RPN1: variants seen among roughly 807,000 people sequenced by gnomAD.
The protein encoded by RPN1 is ribophorin I.
A neutral mutation model predicts 55.5 loss-of-function variants in RPN1; 12 were observed. The observed-to-expected ratio is 0.22, with a 90% CI of 0.14 to 0.35. RPN1 has a LOEUF of 0.35. RPN1 is among the 10% of genes least tolerant of loss of function. RPN1 has a pLI of 1.00. For missense variants in RPN1, 679 were observed against 761.3 expected, an observed-to-expected ratio of 0.89 and a Z score of 1.27; for synonymous variants, 317 against 305.9, an observed-to-expected ratio of 1.04 and a Z score of -0.38.
In RPN1 at chr3:128,632,176, A is replaced by G; in HGVS notation, c.634-19T>C. The G allele has an allele frequency of 6.2e-7, 1 of 1,613,162 alleles. No individual in the cohort carries two copies. Among genetic ancestry groups the G allele is most frequent in the Non-Finnish European group, 8.5e-7 (1 of 1,179,148 alleles). On this transcript the variant is annotated intron_variant, in intron 3 of 9. Transcript: ENST00000296255. Reference sequence around the variant, plus strand: ...AAGTATCCTGGAAGGAAGGAAACAAATAGTTCAAAGTTTTGGCAACAGAGA... The same window carrying G: ...AAGTATCCTGGAAGGAAGGAAACAAGTAGTTCAAAGTTTTGGCAACAGAGA...
At position 128,637,846 on chromosome 3, in the gene RPN1, C is replaced by T; in HGVS notation, c.586G>A (p.Asp196Asn). The part of the protein sequence containing the change: ...TKLGNPTRSE[D>N]LLDYGPFRDV... ...CTGAAAGGCCCATAATCCAGTAGGT[C>T]CTCAGAGCGCGTGGGGTTCCCCAGC... Residue 196 changes from aspartate (D) to asparagine (N), a missense_variant, in exon 3 of 10, where the codon GAC becomes AAC. Physicochemically the swap from Asp to Asn is conservative, Grantham distance 23. This residue lies in a region of RPN1 where 352 missense variants were observed against 352.8 expected (regional missense o/e 1.00). Transcript: ENST00000296255. 6.2e-7 allele frequency: 1 copy of T among 1,613,818 alleles called. No individual in the cohort carries two copies. Among genetic ancestry groups the T allele is most frequent in the Non-Finnish European group, 8.5e-7 (1 of 1,180,044 alleles).
intron 2 of RPN1, among the ~76,000 whole-genome samples, chr3:128,640,050 T>C (rs951579329): frequency 1.3e-5 from 2 of 152,102 alleles, no homozygotes; most frequent in African/African-American, 4.8e-5. Flanking sequence ...CAGGCGCCTG[T>C]AGTCCCAGAT....
intron 1 of RPN1, among the ~76,000 whole-genome samples, 172 bp from the exon 2 acceptor site, chr3:128,645,155 T>C (rs988821870): frequency 7.2e-5 from 11 of 152,136 alleles, no homozygotes; most frequent in African/African-American, 2.4e-4. Flanking sequence ...AACACAAGAA[T>C]ATTGTCAAAG....
chr3:128,643,260 G>A (rs2069741200), intron 2 of RPN1, among the ~76,000 whole-genome samples: 1 of 151,256 alleles, frequency 6.6e-6, no homozygotes, highest in Non-Finnish European at 1.5e-5. Flanking sequence ...CTAGGAGGCT[G>A]AGGTTGCAGT....
chr3:128,624,697 A>G (rs2069586497), intron 8 of RPN1, among the ~76,000 whole-genome samples: 1 of 150,548 alleles, frequency 6.6e-6, no homozygotes, highest in Non-Finnish European at 1.5e-5. Flanking sequence ...CACTAGAAGC[A>G]CACCCTTGGT....
chr3:128,647,034 G>A (rs1400095555), intron 1 of RPN1, among the ~76,000 whole-genome samples: 3 of 151,804 alleles, frequency 2.0e-5, no homozygotes, highest in African/African-American at 7.3e-5. Flanking sequence ...AATGACCACT[G>A]TTTGGGGTAC....
rs573559453 is a variant in RPN1, at chr3:128,635,516, G to T, written c.633+2283C>A. Among the ~76,000 whole-genome samples the T allele has an allele frequency of 4.6e-5, 7 of 151,370 alleles. No homozygotes were observed. In the East Asian group the frequency reaches 1.4e-3, roughly 29 times the overall value. ...GGGTTTCACCACGTTGGCCAGGCTG[G>T]TCTTGAACTCCTAGCTTCAAGTGAT... On this transcript the variant is annotated intron_variant, in intron 3 of 9. Transcript: ENST00000296255.
intron 1 of RPN1, among the ~76,000 whole-genome samples, chr3:128,647,446 C>T (rs1346732645): frequency 1.3e-5 from 2 of 152,026 alleles, no homozygotes; most frequent in East Asian, 1.9e-4. Context: ...CCTGTAATCC[C>T]AACACTTTGG....
rs780282902 is a variant in RPN1 at position 128,625,867 on chromosome 3, C to T, written c.1275+7G>A. The T allele has an allele frequency of 1.9e-6, 3 of 1,605,788 alleles. No individual in the cohort carries two copies. Among genetic ancestry groups the T allele is most frequent in the Non-Finnish European group, 2.6e-6 (3 of 1,176,314 alleles). ...CGCCATGGAAGGCAAACAGTGGAGC[C>T]ACTCACCACAATGTCCTGAATGTGC... On this transcript the variant is annotated splice_region_variant and intron_variant, in intron 7 of 9. Coordinates refer to ENST00000296255, the MANE Select transcript of RPN1 (RefSeq NM_002950.4).
At position 128,631,859 on chromosome 3, in the gene RPN1, T is replaced by G. The variant is rs541612365; in HGVS notation, c.843+89A>C. 1.1e-5 allele frequency: 15 copies of G among 1,420,124 alleles called. No individual in the cohort carries two copies. The South Asian group carries it at 1.7e-4, about 16-fold the overall frequency. The allele number at this position is 1,420,124 out of a possible 1,614,324, so 88.0% of individuals were successfully genotyped here. ...CATCAGTCAACCCTAAACAACTGCC[T>G]AAATATTTAGCTAGTTTCGAAAAGC... On this transcript the variant is annotated intron_variant, in intron 4 of 9. Coordinates refer to ENST00000296255, the MANE Select transcript of RPN1 (RefSeq NM_002950.4).
intron 2 of RPN1, among the ~76,000 whole-genome samples, chr3:128,638,838 C>T (rs2069703022): frequency 6.6e-6 from 1 of 152,038 alleles, no homozygotes; most frequent in Non-Finnish European, 1.5e-5. Flanking sequence ...TGGTGGTGCA[C>T]ACCTGTAGTC....
At chr3:128,627,132 A>G (rs2069605059) in intron 5 of RPN1, 1 of 367,368 alleles carries the variant, frequency 2.7e-6, no homozygotes, top group Middle Eastern at 8.4e-4. Context: ...CAGAACCCCA[A>G]AACACACAAC....
chr3:128,644,191 G>A (rs1009703679), intron 2 of RPN1, among the ~76,000 whole-genome samples: 1 of 152,160 alleles, frequency 6.6e-6, no homozygotes, highest in Non-Finnish European at 1.5e-5. Context: ...ATAAAGCTCT[G>A]TGGAACCAGG....
In RPN1 at chr3:128,622,213, G is replaced by A; in HGVS notation, c.1592C>T (p.Ala531Val). 5.6e-6 allele frequency: 9 copies of A among 1,614,080 alleles called. No homozygotes were observed. Among genetic ancestry groups the A allele is most frequent in the Non-Finnish European group, 7.6e-6 (9 of 1,179,902 alleles). The change falls in exon 9 of 10, where the codon GCA becomes GTA. Residue 531 changes from alanine (A) to valine (V), a missense_variant. This residue lies in a region of RPN1 where 306 missense variants were observed against 360.0 expected (regional missense o/e 0.85). Transcript: ENST00000296255. ...TEHKALTSEIALLQSRLKTEG... is the reference protein window; with the variant it reads ...TEHKALTSEIVLLQSRLKTEG... ...TGTCTTCAGCCTGGACTGCAGCAGT[G>A]CAATCTCACTGGTCAAGGCCTTGTG...
At chr3:128,633,580 T>C (rs74400306) in intron 3 of RPN1, among the ~76,000 whole-genome samples, 1,702 of 152,274 alleles carry the variant, frequency 0.011, 26 homozygotes, top group African/African-American at 0.039. Context: ...ATCCTGAGAA[T>C]ACAAAAATTC....
intron 1 of RPN1, among the ~76,000 whole-genome samples, chr3:128,647,693 GAAAAAAA>G (rs1280379043): frequency 7.4e-5 from 5 of 68,026 alleles, no homozygotes; most frequent in Admixed American, 1.5e-4. Flanking sequence ...CTTGCCTCAA[GAAAAAAA>G]AAAAAAAAAG....
In RPN1 at chr3:128,620,435, G is replaced by C. The variant is rs142951968; in HGVS notation, c.1800C>G (p.Ile600Met). Residue 600 changes from isoleucine to methionine, a missense_variant, in exon 10 of 10, where the codon ATC (isoleucine) becomes ATG (methionine). This residue lies in a region of RPN1 where 306 missense variants were observed against 360.0 expected (regional missense o/e 0.85). Coordinates refer to ENST00000296255, the MANE Select transcript of RPN1 (RefSeq NM_002950.4). ...GCTACAGGGCATCCAGGATGTGGTC[G>C]ATCTTGGTGACCAGCTCCTGGCGCT... ...SGKRQELVTK[I>M]DHILDAL The C allele has an allele frequency of 1.2e-6, 2 of 1,613,854 alleles. No individual in the cohort carries two copies. Among genetic ancestry groups the C allele is most frequent in the Admixed American group, 1.7e-5 (1 of 59,992 alleles).
chr3:128,648,408 A>C (rs1406258964), intron 1 of RPN1, among the ~76,000 whole-genome samples: 2 of 151,734 alleles, frequency 1.3e-5, no homozygotes, highest in African/African-American at 2.4e-5. Flanking sequence ...AAAAAATACA[A>C]AAATTAGCCA....
intron 3 of RPN1, among the ~76,000 whole-genome samples, chr3:128,635,628 TATATATATATAG>T (rs1406767606): frequency 0.016 from 419 of 26,358 alleles, 5 homozygotes; most frequent in African/African-American, 0.06. Flanking sequence ...TATATATATA[TATATATATATAG>T]ATATATATAT....
Sources: allele counts gnomAD v4.1 joint callset (sites outside exome capture counted in the v4.1 genomes callset), GRCh38; gene constraint gnomAD v4.1.1; regional missense constraint gnomAD v4.1.1; transcripts MANE v1.5; gene names NCBI Gene and HGNC (gene_info 2026-07-23, HGNC 2026-07-21).